OR3A2: variants seen among roughly 807,000 people sequenced by gnomAD.
OR3A2 encodes the protein olfactory receptor family 3 subfamily A member 2, also known as olfactory receptor 3A2.
For synonymous variants in OR3A2, 126 were observed against 159.3 expected, an observed-to-expected ratio of 0.79 and a Z score of 1.57; for missense variants, 318 against 392.8, an observed-to-expected ratio of 0.81 and a Z score of 1.61.
intron 2 of OR3A2, among the ~76,000 whole-genome samples, chr17:3,351,051 T>C (rs1220589377): frequency 6.6e-6 from 1 of 151,162 alleles, no homozygotes; most frequent in East Asian, 2.0e-4. Flanking sequence ...ATAAGAGCTA[T>C]CTATGACAAA....
chr17:3,335,551 C>G (rs752318760), intron 3 of OR3A2, among the ~76,000 whole-genome samples: 12 of 152,062 alleles, frequency 7.9e-5, no homozygotes, highest in Non-Finnish European at 1.5e-4. Context: ...TGTTTCTGAT[C>G]TGCATCTTCC....
intron 2 of OR3A2, among the ~76,000 whole-genome samples, chr17:3,370,880 T>C (rs11560097): frequency 2.2e-3 from 331 of 152,198 alleles, no homozygotes; most frequent in African/African-American, 6.7e-3. Context: ...CATCTTGCAC[T>C]GCCCTTAATC....
At chr17:3,310,175 G>C in intron 3 of OR3A2, 1 of 372,660 alleles carries the variant, frequency 2.7e-6, no homozygotes, top group Non-Finnish European at 5.4e-6. Context: ...TACATTTCAT[G>C]CGTTCTTCCA....
At chr17:3,348,995 GCCAC>G (rs1567563700) in intron 2 of OR3A2, among the ~76,000 whole-genome samples, 7 of 151,756 alleles carry the variant, frequency 4.6e-5, no homozygotes, top group African/African-American at 1.7e-4. Context: ...AGATTTTGTC[GCCAC>G]CAGGCCTGCA....
At chr17:3,378,912 C>A (rs531474448) in intron 2 of OR3A2, among the ~76,000 whole-genome samples, 1 of 152,274 alleles carries the variant, frequency 6.6e-6, no homozygotes, top group African/African-American at 2.4e-5. Context: ...TGTGCATCCT[C>A]AAAACTTTAT....
chr17:3,306,162 GT>G (rs1205747201), intron 3 of OR3A2, among the ~76,000 whole-genome samples: 1 of 151,970 alleles, frequency 6.6e-6, no homozygotes, highest in Non-Finnish European at 1.5e-5. Flanking sequence ...TTGTTTGCCT[GT>G]TTTTTTAGAG....
chr17:3,357,103 A>T (rs2049470432), intron 2 of OR3A2, among the ~76,000 whole-genome samples: 1 of 151,800 alleles, frequency 6.6e-6, no homozygotes. Context: ...TCTTGTTTAC[A>T]GTCATGTATA....
intron 2 of OR3A2, among the ~76,000 whole-genome samples, chr17:3,362,409 C>G (rs985427727): frequency 6.6e-6 from 1 of 151,614 alleles, no homozygotes; most frequent in African/African-American, 2.4e-5. Flanking sequence ...TTTTGTGTCT[C>G]TATCTCCTTC....
Position 3,346,070 on chromosome 17 carries a change from C to T in OR3A2, c.-178-9944G>A, listed in dbSNP as rs889892264. On this transcript the variant is annotated intron_variant, in intron 2 of 4. Transcript: ENST00000573491. ...TCTGGGGACAATTATAAAAGCTAGA[C>T]AAAATATTTTAAAATATATTTTTGA... is the stretch of plus-strand genomic sequence containing the variant. 3.9e-5 allele frequency among the ~76,000 whole-genome samples: 6 copies of T among 151,994 alleles called. No homozygotes were observed. In the East Asian group the frequency reaches 1.2e-3, roughly 29 times the overall value.
chr17:3,284,229 T>C (rs929432586), intron 1 of OR3A2, 129 bp downstream of exon 3: 2 of 150,360 alleles, frequency 1.3e-5, no homozygotes, highest in Admixed American at 6.6e-5. Flanking sequence ...CGGGCTGTAG[T>C]GCCAGGTCTT....
intron 3 of OR3A2, among the ~76,000 whole-genome samples, chr17:3,326,691 T>C (rs2049177507): frequency 1.4e-5 from 2 of 139,254 alleles, no homozygotes; most frequent in Non-Finnish European, 3.1e-5. Context: ...CTCCCAATGC[T>C]ATCCCTCCCC....
At chr17:3,348,385 C>T (rs918462844) in intron 2 of OR3A2, among the ~76,000 whole-genome samples, 10 of 151,160 alleles carry the variant, frequency 6.6e-5, no homozygotes, top group Admixed American at 2.0e-4. Flanking sequence ...TTAGATCTAA[C>T]GAAGCCTCAG....
intron 3 of OR3A2, among the ~76,000 whole-genome samples, chr17:3,321,003 A>G (rs554306081): frequency 6.6e-6 from 1 of 152,230 alleles, no homozygotes; most frequent in African/African-American, 2.4e-5. Context: ...GATTCTTCCT[A>G]CCCATGAGCA....
chr17:3,348,880 C>A (rs1165485831), intron 2 of OR3A2, among the ~76,000 whole-genome samples: 1 of 152,118 alleles, frequency 6.6e-6, no homozygotes. Flanking sequence ...CAATATTCAA[C>A]ATTCTTAAGG....
rs563590792 is a variant in OR3A2 at position 3,349,623 on chromosome 17, C to T, written c.-178-13497G>A. ...CCACTGTCAACATCAGACAGATCAA[C>T]GAGACAGAAAGTCAACAAGGATACC... On this transcript the variant is annotated intron_variant, in intron 2 of 4. Coordinates refer to the OR3A2 transcript ENST00000573491. Among the ~76,000 whole-genome samples the T allele has an allele frequency of 4.7e-4, 71 of 151,836 alleles. No homozygotes were observed. In the East Asian group the frequency reaches 0.012, roughly 26 times the overall value.
chr17:3,326,611 GT>G lies in OR3A2; in HGVS notation c.-85+9421del, dbSNP rs547693435. Among the ~76,000 whole-genome samples, 379 of 148,582 alleles carry G rather than the reference GT, an allele frequency of 2.6e-3. 3 individuals carry two copies. Among genetic ancestry groups the G allele is most frequent in the Middle Eastern group, 0.017 (5 of 292 alleles). ...GTACATATGCACATTGTGCAGGTCAGTTACATATGTATACATGTGCCATGCT... is the reference window on the plus strand; with the variant it reads ...GTACATATGCACATTGTGCAGGTCAGTACATATGTATACATGTGCCATGCT... On this transcript the variant is annotated intron_variant, in intron 3 of 4. Transcript: ENST00000573491.
At chr17:3,359,842 C>A (rs2049494790) in intron 2 of OR3A2, among the ~76,000 whole-genome samples, 1 of 151,716 alleles carries the variant, frequency 6.6e-6, no homozygotes, top group Non-Finnish European at 1.5e-5. Flanking sequence ...TGGGTTGGTT[C>A]AAAGTCTTTG....
At chr17:3,366,395 C>T (rs966554026) in intron 2 of OR3A2, among the ~76,000 whole-genome samples, 18 of 152,066 alleles carry the variant, frequency 1.2e-4, no homozygotes, top group Non-Finnish European at 4.4e-5. Flanking sequence ...TCTTTAGTTG[C>T]AATTTTAAAA....
chr17:3,314,390 GTAAA>G (rs1676117102), intron 3 of OR3A2, among the ~76,000 whole-genome samples: 1 of 152,150 alleles, frequency 6.6e-6, no homozygotes, highest in South Asian at 2.1e-4. Flanking sequence ...CATGTTTTAT[GTAAA>G]TAATTTAAAT....
Sources: allele counts gnomAD v4.1 joint callset (sites outside exome capture counted in the v4.1 genomes callset), GRCh38; gene constraint gnomAD v4.1.1; transcripts MANE v1.5; gene names NCBI Gene and HGNC (gene_info 2026-07-23, HGNC 2026-07-21).